PTGR2: variants seen among roughly 807,000 people sequenced by gnomAD.
PTGR2 encodes the protein 15-oxoprostaglandin 13-reductase.
Under a neutral mutation model 43.4 loss-of-function variants are expected in PTGR2, and 32 were observed. The observed-to-expected ratio is 0.74, with a 90% CI of 0.56 to 0.99. PTGR2 has a LOEUF of 0.99. PTGR2 is among the 50% of genes least tolerant of loss of function. The pLI is 0.00. For synonymous variants in PTGR2, 106 were observed against 139.2 expected (o/e 0.76, Z 1.68); for missense variants, 373 against 420.0 (o/e 0.89, Z 0.98).
rs2055072057 is a variant in PTGR2 at position 73,884,208 on chromosome 14, A to G, written c.*31A>G. 2 of 1,359,008 alleles carry G rather than the reference A, an allele frequency of 1.5e-6. No homozygotes were observed. The highest frequency in any genetic ancestry group is 2.1e-6 in the Non-Finnish European group (2 of 963,694). The allele number at this position is 1,359,008 out of a possible 1,614,324, so 84.2% of individuals were successfully genotyped here. On this transcript the variant is annotated 3_prime_UTR_variant, in exon 10 of 10. Transcript: ENST00000555661. Reference sequence around the variant, plus strand: ...GTAAATGTCATCAAGGCAATCATAGATTTCTTTTCCATTTTGCATATTTTC... The same window carrying G: ...GTAAATGTCATCAAGGCAATCATAGGTTTCTTTTCCATTTTGCATATTTTC...
chr14:73,885,533 T>TA lies in PTGR2; in HGVS notation c.*1356_*1357insA, dbSNP rs2055109762. 1 of 152,218 alleles carries TA rather than the reference T, an allele frequency of 6.6e-6. No homozygotes were observed. The highest frequency in any genetic ancestry group is 1.5e-5 in the Non-Finnish European group (1 of 68,036). 9.4% of individuals were successfully genotyped at this position (152,218 alleles called of 1,614,324 possible). On this transcript the variant is annotated 3_prime_UTR_variant, in exon 10 of 10. Coordinates refer to ENST00000555661, the MANE Select transcript of PTGR2 (RefSeq NM_001146154.2). ...GTATGCAACATTTGTAATAAGTAGA[T>TA]TCAAACTGTGTTGGTAATCAGCCTC...
At chr14:73,864,251 C>T (rs2054555181) in intron 3 of PTGR2, among the ~76,000 whole-genome samples, 3 of 152,204 alleles carry the variant, frequency 2.0e-5, no homozygotes, top group Admixed American at 2.0e-4. Flanking sequence ...CTGCTATGAA[C>T]ATTTGTGTAT....
At position 73,857,805 on chromosome 14, in the gene PTGR2, A is replaced by T. The variant is rs368755930; in HGVS notation, c.-47-1011A>T. ...TGCGTCAGCCTCCGGAGTAGCTGGGACTACAGGCTCCCGCTACCACGCCTG... is the reference window on the plus strand; with the variant it reads ...TGCGTCAGCCTCCGGAGTAGCTGGGTCTACAGGCTCCCGCTACCACGCCTG... On this transcript the variant is annotated intron_variant, in intron 1 of 9. Coordinates refer to ENST00000555661, the MANE Select transcript of PTGR2 (RefSeq NM_001146154.2). 3.6e-3 allele frequency among the ~76,000 whole-genome samples: 540 copies of T among 150,544 alleles called. 5 individuals carry two copies. The highest frequency in any genetic ancestry group is 0.013 in the African/African-American group (528 of 40,850).
intron 7 of PTGR2, chr14:73,880,406 C>G: frequency 2.5e-6 from 1 of 402,546 alleles, no homozygotes; most frequent in South Asian, 2.2e-5. Context: ...AACCCCTTCT[C>G]TACTAAAAAT....
At chr14:73,876,772 C>T (rs984559894) in intron 4 of PTGR2, among the ~76,000 whole-genome samples, 6 of 152,052 alleles carry the variant, frequency 3.9e-5, no homozygotes, top group South Asian at 4.1e-4. Context: ...CCACTGTGCC[C>T]GGCCTGGACA....
At chr14:73,858,709 ATG>A in intron 1 of PTGR2, 105 bp from the exon 2 acceptor site, 3 of 480,292 alleles carry the variant, frequency 6.2e-6, no homozygotes, top group Non-Finnish European at 1.1e-5. Flanking sequence ...TGGATCCTAA[ATG>A]TGATTTTTCT....
In PTGR2 at chr14:73,880,128, C is replaced by G. The variant is rs777843481; in HGVS notation, c.803C>G (p.Pro268Arg). ...AACAAAGATGTGCCTTATCCTCCCC[C>G]GCTATCCCCTGCTATAGAGGCAATC... ...QYNKDVPYPP[P>R]LSPAIEAIQK... Residue 268 changes from proline (P) to arginine (R), a missense_variant, in exon 7 of 10, where the codon CCG (proline) becomes CGG (arginine). By Grantham distance (103) the Pro-to-Arg change is moderately radical (BLOSUM62 -2). Transcript: ENST00000555661. 7 of 1,613,940 alleles carry G rather than the reference C, an allele frequency of 4.3e-6. No individual in the cohort carries two copies. The highest frequency in any genetic ancestry group is 1.7e-4 in the Middle Eastern group (1 of 6,058).
At chr14:73,880,418 CA>C (rs112355112) in intron 7 of PTGR2, among the ~76,000 whole-genome samples, 73,873 of 150,958 alleles carry the variant, frequency 0.49, 18,301 homozygotes, top group South Asian at 0.61. Flanking sequence ...ACTAAAAATA[CA>C]AAAAAATTAG....
Position 73,884,349 on chromosome 14 carries a change from T to C in PTGR2, c.*172T>C. On this transcript the variant is annotated 3_prime_UTR_variant, in exon 10 of 10. Coordinates refer to ENST00000555661, the MANE Select transcript of PTGR2 (RefSeq NM_001146154.2). ...ACAATCATTAATGGATCATACACAA[T>C]AGGTTTTTAAAAATTAATAACTTTT... The C allele has an allele frequency of 4.3e-6, 2 of 461,124 alleles. No individual in the cohort carries two copies. The highest frequency in any genetic ancestry group is 3.8e-6 in the Non-Finnish European group (1 of 266,172). The allele number at this position is 461,124 out of a possible 1,614,324, so 28.6% of individuals were successfully genotyped here.
chr14:73,854,581 A>G (rs1370286514), intron 1 of PTGR2, among the ~76,000 whole-genome samples: 1 of 152,230 alleles, frequency 6.6e-6, no homozygotes, highest in Non-Finnish European at 1.5e-5. Context: ...TATAATATAC[A>G]TATTAATATG....
At chr14:73,857,664 GTTTTTTTT>G (rs1213963564) in intron 1 of PTGR2, among the ~76,000 whole-genome samples, 5 of 64,698 alleles carry the variant, frequency 7.7e-5, no homozygotes, top group Admixed American at 2.5e-4. Flanking sequence ...AGCAGTTAGT[GTTTTTTTT>G]TTTTTTTTTT....
chr14:73,881,772 CTTTTTTTTTTTTT>C (rs57377878), intron 8 of PTGR2, among the ~76,000 whole-genome samples: 2 of 69,242 alleles, frequency 2.9e-5, no homozygotes, highest in Non-Finnish European at 2.4e-5. Context: ...CTAGGCTATT[CTTTTTTTTTTTTT>C]TTTTTTTTTT....
intron 1 of PTGR2, among the ~76,000 whole-genome samples, chr14:73,854,663 T>C (rs1280700566): frequency 6.6e-6 from 1 of 152,254 alleles, no homozygotes; most frequent in African/African-American, 2.4e-5. Flanking sequence ...AAGACTGCTT[T>C]GAAAATTTAG....
At chr14:73,881,560 G>A (rs2054987894) in intron 8 of PTGR2, among the ~76,000 whole-genome samples, 1 of 86,418 alleles carries the variant, frequency 1.2e-5, no homozygotes, top group African/African-American at 3.6e-5. Context: ...TCCCCCAAAT[G>A]TAAAATTATG....
intron 3 of PTGR2, among the ~76,000 whole-genome samples, chr14:73,873,273 C>T (rs917070708): frequency 5.9e-5 from 9 of 151,942 alleles, no homozygotes; most frequent in African/African-American, 2.2e-4. Context: ...CGTCATTGTA[C>T]TCCAGCCTGG....
At chr14:73,864,160 T>C (rs972828626) in intron 3 of PTGR2, among the ~76,000 whole-genome samples, 1 of 152,252 alleles carries the variant, frequency 6.6e-6, no homozygotes, top group Non-Finnish European at 1.5e-5. Context: ...TAATGTTACA[T>C]TGTATGGATA....
intron 3 of PTGR2, among the ~76,000 whole-genome samples, chr14:73,869,573 CAA>C (rs34798468): frequency 5.1e-4 from 52 of 101,128 alleles, no homozygotes; most frequent in Admixed American, 9.5e-4. Flanking sequence ...GACCGTGCCT[CAA>C]AAAAAAAAAA....
At position 73,884,244 on chromosome 14, in the gene PTGR2, TAAA is replaced by T. The variant is rs1245957267; in HGVS notation, c.*71_*73del. ...ATTTTGCATATTTTCAAAGATATGT[TAAA>T]AAATCCTTAGACTATACATAGCTCT... On this transcript the variant is annotated 3_prime_UTR_variant, in exon 10 of 10. Transcript: ENST00000555661. The T allele has an allele frequency of 2.9e-5, 29 of 1,013,066 alleles. No individual in the cohort carries two copies. The highest frequency in any genetic ancestry group is 4.4e-5 in the Non-Finnish European group (29 of 659,004). The allele number at this position is 1,013,066 out of a possible 1,614,324, so 62.8% of individuals were successfully genotyped here.
intron 6 of PTGR2, chr14:73,879,802 C>T: frequency 4.7e-6 from 2 of 422,036 alleles, no homozygotes; most frequent in South Asian, 2.7e-5. Context: ...ACAGTTCTAC[C>T]ACTAATAAGT....
Sources: gnomAD v4.1 joint callset for allele counts (sites outside exome capture counted in the v4.1 genomes callset) on GRCh38, gnomAD v4.1.1 for gene constraint, MANE v1.5 for transcripts, NCBI Gene and HGNC (gene_info 2026-07-23, HGNC 2026-07-21) for gene names.